Variants in TSLP observed in about 807,000 individuals in gnomAD.
TSLP encodes the protein thymic stromal lymphopoietin.
Under a neutral mutation model 12.4 loss-of-function variants are expected in TSLP, and 12 were observed. That is an observed-to-expected ratio of 0.97 (90% CI 0.62 to 1.57). The LOEUF (loss-of-function observed/expected upper bound fraction) is 1.57. Ranked by LOEUF, TSLP falls within the 40% of genes most tolerant of loss-of-function variation. TSLP has a pLI of 0.00. For missense variants in TSLP, 222 were observed against 189.6 expected (o/e 1.17, Z -1.00); for synonymous variants, 97 against 69.5 (o/e 1.40, Z -1.97).
At chr5:111,073,297 G>A (rs763258956) in intron 2 of TSLP, 15 of 1,420,600 alleles carry the variant, frequency 1.1e-5, no homozygotes, top group African/African-American at 4.3e-5. Context: ...GTCTTTTCGC[G>A]ACGAGTGCCC....
intron 3 of TSLP, 71 bp from the exon 4 acceptor site, chr5:111,075,875 T>C (rs542212889): frequency 4.9e-5 from 74 of 1,517,850 alleles, no homozygotes; most frequent in Admixed American, 2.3e-4. Context: ...GAGAAGGCAA[T>C]TAAACCTGCT....
upstream of TSLP, chr5:111,071,011 TAGAGGACTCTTC>T (rs1752327032): frequency 6.4e-6 from 1 of 155,534 alleles, no homozygotes; most frequent in African/African-American, 2.4e-5. Flanking sequence ...TAGAAAGTGC[TAGAGGACTCTTC>T]AGCCCCTAAG....
At chr5:111,071,527 ATTCCTGATGAC>A (rs1291494186), upstream of TSLP, 18 of 1,548,438 alleles carry the variant, frequency 1.2e-5, no homozygotes, top group Non-Finnish European at 1.6e-5. Context: ...GGTGAGGGAA[ATTCCTGATGAC>A]TTTACTGATG....
Position 111,071,734 on chromosome 5 carries a change from GGCAACA to G in TSLP, c.-153_-148del, listed in dbSNP as rs1752342001. 3 of 1,222,806 alleles carry G rather than the reference GGCAACA, an allele frequency of 2.5e-6. No homozygotes were observed. The highest frequency in any genetic ancestry group is 3.0e-5 in the African/African-American group (2 of 65,744). 75.7% of individuals were successfully genotyped at this position (1,222,806 alleles called of 1,614,324 possible). A position where few individuals can be genotyped will look rare whatever the true frequency, so the allele number is the denominator to read the frequency against. On this transcript the variant is annotated 5_prime_UTR_variant, in exon 1 of 4. The change creates a new upstream start codon in the 5' untranslated region. Coordinates refer to ENST00000344895, the MANE Select transcript of TSLP (RefSeq NM_033035.5). The stretch of plus-strand genomic sequence containing the variant: ...GAGCATCAGGGAGACTCCAACTTAA[GGCAACA>G]GCATGGGTGAATAAGGGCTTCCTGT...
chr5:111,073,171 A>G, intron 2 of TSLP: 1 of 910,682 alleles, frequency 1.1e-6, no homozygotes, highest in Non-Finnish European at 1.6e-6. Context: ...GGGAACTGGG[A>G]CGAGGGAACG....
chr5:111,075,129 G>C (rs1035053259), intron 3 of TSLP, among the ~76,000 whole-genome samples: 16 of 152,196 alleles, frequency 1.1e-4, no homozygotes, highest in Non-Finnish European at 1.9e-4. Context: ...TTCTTGGACA[G>C]CATGTGAGAA....
rs746514222 is a variant in TSLP at position 111,073,697 on chromosome 5, A to C, written c.351+52A>C. On this transcript the variant is annotated intron_variant, in intron 3 of 3. Transcript: ENST00000344895. ...TGTACCTTGGGGCTAACCTCAAATTAAACTGGGGCTTTGGTGCAGAAGTCG... is the reference window on the plus strand; with the variant it reads ...TGTACCTTGGGGCTAACCTCAAATTCAACTGGGGCTTTGGTGCAGAAGTCG... 4.9e-5 allele frequency: 76 copies of C among 1,558,176 alleles called. No individual in the cohort carries two copies. In the African/African-American group the frequency reaches 9.9e-4, roughly 20 times the overall value.
intron 3 of TSLP, among the ~76,000 whole-genome samples, chr5:111,075,553 C>T (rs1421273399): frequency 6.6e-6 from 1 of 152,202 alleles, no homozygotes; most frequent in Non-Finnish European, 1.5e-5. Flanking sequence ...TTTACTTAAT[C>T]ACTCAACAAA....
At chr5:111,071,378 G>A, upstream of TSLP, 1 of 1,428,310 alleles carries the variant, frequency 7.0e-7, no homozygotes, top group Non-Finnish European at 9.3e-7. Context: ...CCTTACAGTG[G>A]CTGCTGGTTT....
At chr5:111,072,192 A>T in intron 1 of TSLP, 131 bp downstream of exon 1, 3 of 783,944 alleles carry the variant, frequency 3.8e-6, no homozygotes, top group Non-Finnish European at 5.9e-6. Context: ...TTTGTCAAGG[A>T]TTCTTACAAG....
rs1487651627 is a variant in TSLP at position 111,076,894 on chromosome 5, G to C, written c.*820G>C. On this transcript the variant is annotated 3_prime_UTR_variant, in exon 4 of 4. Transcript: ENST00000344895. ...AGGTTTTTACCTCCACTCATCCTTA[G>C]AGCCCACTGACTGCTCCCCTTTATA... is the stretch of plus-strand genomic sequence containing the variant. The C allele has an allele frequency of 1.3e-5, 2 of 152,124 alleles. No individual in the cohort carries two copies. The highest frequency in any genetic ancestry group is 2.9e-5 in the Non-Finnish European group (2 of 68,044). 9.4% of individuals were successfully genotyped at this position (152,124 alleles called of 1,614,324 possible).
At chr5:111,071,577 T>C, upstream of TSLP, 3 of 1,432,840 alleles carry the variant, frequency 2.1e-6, no homozygotes, top group East Asian at 7.8e-5. Context: ...AGCTACTCCT[T>C]TTTTTTTTTC....
chr5:111,075,921 G>T, intron 3 of TSLP, 25 bp from the exon 4 acceptor site: 1 of 1,604,428 alleles, frequency 6.2e-7, no homozygotes, highest in South Asian at 1.1e-5. Flanking sequence ...AAGTAATTTT[G>T]ACTATTGATT....
At chr5:111,071,307 TG>T, upstream of TSLP, 1 of 750,994 alleles carries the variant, frequency 1.3e-6, no homozygotes, top group Non-Finnish European at 2.0e-6. Context: ...TAGTTGAAAG[TG>T]GCCACAGGAA....
chr5:111,070,570 C>T (rs538983018), upstream of TSLP: 1 of 152,718 alleles, frequency 6.5e-6, no homozygotes, highest in African/African-American at 2.4e-5. Flanking sequence ...TCCCTCCCTT[C>T]AACCCTCCAT....
At chr5:111,070,717 G>C (rs1428748402), upstream of TSLP, 1 of 152,308 alleles carries the variant, frequency 6.6e-6, no homozygotes, top group Non-Finnish European at 1.5e-5. Flanking sequence ...CCGCCATCTC[G>C]ATGCTTCTCC....
At chr5:111,071,423 C>A, upstream of TSLP, 1 of 1,508,880 alleles carries the variant, frequency 6.6e-7, no homozygotes, top group South Asian at 1.3e-5. Flanking sequence ...AAGGATTGGT[C>A]ACGGAAATGC....
upstream of TSLP, chr5:111,071,178 G>T (rs559063322): frequency 9.0e-6 from 3 of 334,254 alleles, no homozygotes; most frequent in Admixed American, 1.4e-4. Flanking sequence ...TTCTGGTCAC[G>T]GTTGCACATT....
At chr5:111,075,326 T>C (rs1752470277) in intron 3 of TSLP, among the ~76,000 whole-genome samples, 1 of 152,170 alleles carries the variant, frequency 6.6e-6, no homozygotes, top group Non-Finnish European at 1.5e-5. Context: ...TAAAGGTATA[T>C]ACTGCAATCC....
Sources: gnomAD v4.1 joint callset for allele counts (sites outside exome capture counted in the v4.1 genomes callset) on GRCh38, gnomAD v4.1.1 for gene constraint, MANE v1.5 for transcripts, NCBI Gene and HGNC (gene_info 2026-07-23, HGNC 2026-07-21) for gene names.